The following SAMHD1 variants were observed in gnomAD, a reference collection of about 807,000 sequenced individuals.
SAMHD1 encodes deoxynucleoside triphosphate triphosphohydrolase SAMHD1.
SAMHD1 carries 54 observed loss-of-function variants against 79.6 expected under a neutral mutation model. That is an observed-to-expected ratio of 0.68 (90% CI 0.55 to 0.85). The LOEUF is 0.85. Among genes scored for constraint, SAMHD1 ranks in the 40% least tolerant of loss-of-function variants. The pLI, the probability that SAMHD1 is intolerant of heterozygous loss-of-function variation, is 0.00. For synonymous variants in SAMHD1, 260 were observed against 264.1 expected, an observed-to-expected ratio of 0.98 and a Z score of 0.15; for missense variants, 663 against 782.7, an observed-to-expected ratio of 0.85 and a Z score of 1.82.
chr20:36,914,980 C>A (rs918817465), intron 9 of SAMHD1, among the ~76,000 whole-genome samples: 9 of 151,794 alleles, frequency 5.9e-5, no homozygotes, highest in African/African-American at 2.2e-4. Context: ...CCACTACACT[C>A]CAATCTGGGT....
intron 9 of SAMHD1, among the ~76,000 whole-genome samples, chr20:36,914,402 G>A (rs995067103): frequency 6.6e-6 from 1 of 151,792 alleles, no homozygotes; most frequent in Admixed American, 6.6e-5. Context: ...CCAGGCTGGA[G>A]TGCAGTGGCG....
intron 7 of SAMHD1, among the ~76,000 whole-genome samples, chr20:36,917,933 CA>C (rs1442006670): frequency 6.6e-6 from 1 of 151,942 alleles, no homozygotes; most frequent in Non-Finnish European, 1.5e-5. Flanking sequence ...TAAAAAAATA[CA>C]AAAGATCAAA....
At chr20:36,919,814 CATTTTAATAA>C (rs1250859577) in intron 6 of SAMHD1, among the ~76,000 whole-genome samples, 1 of 152,136 alleles carries the variant, frequency 6.6e-6, no homozygotes, top group Non-Finnish European at 1.5e-5. Context: ...GACAGAATTA[CATTTTAATAA>C]ATATCATCAT....
intron 1 of SAMHD1, among the ~76,000 whole-genome samples, chr20:36,947,729 G>A (rs932489559): frequency 2.6e-5 from 4 of 152,002 alleles, no homozygotes; most frequent in African/African-American, 7.3e-5. Context: ...GTGCAGTGGT[G>A]CGATCACATC....
chr20:36,951,286 G>T (rs1555838525), intron 1 of SAMHD1, 150 bp downstream of exon 1: 10 of 1,090,480 alleles, frequency 9.2e-6, no homozygotes, highest in Non-Finnish European at 1.0e-5. Flanking sequence ...TTTCCTCGGC[G>T]CCCCCAGCGC....
intron 6 of SAMHD1, among the ~76,000 whole-genome samples, chr20:36,925,316 C>A (rs1041672496): frequency 6.6e-6 from 1 of 152,168 alleles, no homozygotes; most frequent in Admixed American, 6.6e-5. Context: ...AAGAAAACAA[C>A]TATAAGCTCT....
chr20:36,933,667 T>C (rs372271508), intron 4 of SAMHD1, among the ~76,000 whole-genome samples: 142 of 152,124 alleles, frequency 9.3e-4, no homozygotes, highest in African/African-American at 3.3e-3. Context: ...ATTTTTGTAT[T>C]TTTACTAGAG....
intron 6 of SAMHD1, among the ~76,000 whole-genome samples, chr20:36,924,293 AAAGGAAGGGAAAGAAGGG>A (rs1024590201): frequency 2.7e-5 from 4 of 150,042 alleles, no homozygotes; most frequent in African/African-American, 7.5e-5. Context: ...AGGGGAAAGA[AAAGGAAGGGAAAGAAGGG>A]AAGGAAGGGA....
At position 36,893,075 on chromosome 20, in the gene SAMHD1, AAG is replaced by A. The variant is rs774995485; in HGVS notation, c.1747-11_1747-10del. ...GCTATAACATCGCCATCCTATTAGG[AAG>A]AGAGAGAAAAACAGGCAATAGAGAA... On this transcript the variant is annotated splice_polypyrimidine_tract_variant and intron_variant, in intron 15 of 15. Coordinates refer to ENST00000646673, the MANE Select transcript of SAMHD1 (RefSeq NM_015474.4). 2.9e-5 allele frequency: 47 copies of A among 1,612,096 alleles called. No homozygotes were observed. Among genetic ancestry groups the A allele is most frequent in the Non-Finnish European group, 3.7e-5 (44 of 1,180,008 alleles).
At position 36,944,934 on chromosome 20, in the gene SAMHD1, A is replaced by T. The variant is rs181341628; in HGVS notation, c.275+1804T>A. Reference sequence around the variant, plus strand: ...TTTAAGCACCAGATCCTCTACTGAGATCATTAAAGGAGCCCCACTCTAATC... The same window carrying T: ...TTTAAGCACCAGATCCTCTACTGAGTTCATTAAAGGAGCCCCACTCTAATC... On this transcript the variant is annotated intron_variant, in intron 2 of 15. Transcript: ENST00000646673. 6.0e-4 allele frequency among the ~76,000 whole-genome samples: 91 copies of T among 152,320 alleles called. No homozygotes were observed. The South Asian group carries it at 8.5e-3, about 14-fold the overall frequency.
intron 3 of SAMHD1, among the ~76,000 whole-genome samples, chr20:36,935,823 G>A (rs887938804): frequency 1.3e-5 from 2 of 151,954 alleles, no homozygotes; most frequent in East Asian, 1.9e-4. Flanking sequence ...CGCCCACCTC[G>A]GCCTCCCAAA....
At position 36,951,598 on chromosome 20, in the gene SAMHD1, C is replaced by T. The variant is rs200703816; in HGVS notation, c.46G>A (p.Asp16Asn). The change falls in exon 1 of 16, where the codon GAT becomes AAT. Residue 16 changes from aspartate (D) to asparagine (N), a missense_variant. By Grantham distance (23) the Asp-to-Asn change is conservative. Coordinates refer to ENST00000646673, the MANE Select transcript of SAMHD1 (RefSeq NM_015474.4). Reference protein sequence around the residue: ...SEQPSKRPRCDDSPRTPSNTP... With the variant: ...SEQPSKRPRCNDSPRTPSNTP... The stretch of plus-strand genomic sequence containing the variant: ...TTTGAGGGGGTTCTCGGGCTGTCAT[C>T]GCAACGGGGACGCTTGGAGGGCTGC... 1.2e-6 allele frequency: 2 copies of T among 1,614,170 alleles called. No homozygotes were observed. Among genetic ancestry groups the T allele is most frequent in the African/African-American group, 1.3e-5 (1 of 75,072 alleles).
At chr20:36,950,141 T>A (rs1333775136) in intron 1 of SAMHD1, among the ~76,000 whole-genome samples, 2 of 152,086 alleles carry the variant, frequency 1.3e-5, no homozygotes, top group African/African-American at 4.8e-5. Context: ...TAGCAATAGG[T>A]TGTAGGTTTA....
chr20:36,915,573 C>A (rs572157254), intron 9 of SAMHD1, among the ~76,000 whole-genome samples: 121 of 151,816 alleles, frequency 8.0e-4, no homozygotes, highest in Non-Finnish European at 1.4e-3. Flanking sequence ...CCTGTTTCCA[C>A]TAAAAAGACA....
intron 5 of SAMHD1, among the ~76,000 whole-genome samples, chr20:36,928,402 AG>A (rs2146129190): frequency 7.5e-6 from 1 of 134,058 alleles, no homozygotes; most frequent in South Asian, 2.5e-4. Flanking sequence ...AGAAAAAAAA[AG>A]GGGCTGGGCG....
At chr20:36,938,701 T>C (rs2063620591) in intron 3 of SAMHD1, among the ~76,000 whole-genome samples, 1 of 151,670 alleles carries the variant, frequency 6.6e-6, no homozygotes, top group Admixed American at 6.6e-5. Flanking sequence ...CTGGGCATGG[T>C]GGCATGCGCC....
At chr20:36,932,384 A>G (rs1601142303) in intron 4 of SAMHD1, among the ~76,000 whole-genome samples, 2 of 117,022 alleles carry the variant, frequency 1.7e-5, no homozygotes, top group East Asian at 2.7e-4. Context: ...GTAGAATGGT[A>G]GTTACTAGGG....
chr20:36,899,900 C>CCTGTCCAAT (rs1990269970), intron 13 of SAMHD1, among the ~76,000 whole-genome samples: 1 of 152,096 alleles, frequency 6.6e-6, no homozygotes, highest in Non-Finnish European at 1.5e-5. Flanking sequence ...TCAAGACCAG[C>CCTGTCCAAT]CTGTCCAATA....
chr20:36,891,583 T>C lies in SAMHD1; in HGVS notation c.*1349A>G, dbSNP rs966270006. On this transcript the variant is annotated 3_prime_UTR_variant, in exon 16 of 16. Coordinates refer to ENST00000646673, the MANE Select transcript of SAMHD1 (RefSeq NM_015474.4). ...AGGTGTGCCCTGGGCACAGGGGCAC[T>C]GCCCCACCAAGGTGGTGCCCACTCC... 6.6e-6 allele frequency: 1 copy of C among 152,288 alleles called. No individual in the cohort carries two copies. The highest frequency in any genetic ancestry group is 1.5e-5 in the Non-Finnish European group (1 of 68,068). 9.4% of individuals were successfully genotyped at this position (152,288 alleles called of 1,614,324 possible). A position where few individuals can be genotyped will look rare whatever the true frequency, so the allele number is the denominator to read the frequency against.
Sources: allele counts gnomAD v4.1 joint callset (sites outside exome capture counted in the v4.1 genomes callset), GRCh38; gene constraint gnomAD v4.1.1; transcripts MANE v1.5; gene names NCBI Gene and HGNC (gene_info 2026-07-23, HGNC 2026-07-21).